AHCYL2: variants seen among roughly 807,000 people sequenced by gnomAD.
The protein encoded by AHCYL2 is adenosylhomocysteinase like 2.
A neutral mutation model predicts 81.4 loss-of-function variants in AHCYL2; 28 were observed. The observed-to-expected ratio is 0.34, with a 90% CI of 0.25 to 0.47. AHCYL2 has a LOEUF of 0.47. Ranked by LOEUF, AHCYL2 falls within the 20% of genes least tolerant of loss-of-function variation. The pLI, the probability that AHCYL2 is intolerant of heterozygous loss-of-function variation, is 1.00. For missense variants in AHCYL2, 551 were observed against 785.1 expected, an observed-to-expected ratio of 0.70 and a Z score of 3.56; for synonymous variants, 272 against 290.2, an observed-to-expected ratio of 0.94 and a Z score of 0.64.
chr7:129,375,245 A>T (rs1462195114), intron 1 of AHCYL2, among the ~76,000 whole-genome samples: 4 of 152,218 alleles, frequency 2.6e-5, no homozygotes, highest in Non-Finnish European at 5.9e-5. Context: ...TTCCTTGGTG[A>T]CAGAGCTGAA....
intron 1 of AHCYL2, among the ~76,000 whole-genome samples, chr7:129,329,162 G>A (rs1035479674): frequency 2.0e-5 from 3 of 152,240 alleles, no homozygotes; most frequent in Admixed American, 6.5e-5. Context: ...ATCTGGTCCT[G>A]GAACTGCTAT....
chr7:129,329,847 T>C (rs938364942), intron 1 of AHCYL2, among the ~76,000 whole-genome samples: 2 of 152,216 alleles, frequency 1.3e-5, no homozygotes, highest in Non-Finnish European at 2.9e-5. Flanking sequence ...TCTGTTATAA[T>C]GTTAATAAAT....
At chr7:129,314,612 CTT>C (rs1388860486) in intron 1 of AHCYL2, among the ~76,000 whole-genome samples, 1 of 152,164 alleles carries the variant, frequency 6.6e-6, no homozygotes, top group African/African-American at 2.4e-5. Context: ...TCTCAGCTCT[CTT>C]TTATAAGGGC....
At chr7:129,321,414 A>G (rs1798007661) in intron 1 of AHCYL2, among the ~76,000 whole-genome samples, 1 of 152,198 alleles carries the variant, frequency 6.6e-6, no homozygotes, top group African/African-American at 2.4e-5. Context: ...ACCTATTGAG[A>G]TGACTGTATG....
intron 1 of AHCYL2, among the ~76,000 whole-genome samples, chr7:129,363,601 C>T (rs1334677811): frequency 2.6e-5 from 4 of 152,144 alleles, no homozygotes; most frequent in South Asian, 2.1e-4. Context: ...CTGTGTTGCC[C>T]AGGCTGCTCA....
intron 1 of AHCYL2, among the ~76,000 whole-genome samples, chr7:129,267,714 A>C (rs1486992295): frequency 2.0e-5 from 3 of 152,198 alleles, no homozygotes; most frequent in Non-Finnish European, 4.4e-5. Flanking sequence ...TTATCTAAGT[A>C]AGAGAGGATA....
chr7:129,230,313 A>C (rs1584681599), intron 1 of AHCYL2, among the ~76,000 whole-genome samples: 2 of 151,036 alleles, frequency 1.3e-5, no homozygotes, highest in Admixed American at 6.6e-5. Context: ...CGATCTTCTG[A>C]CCTCGTGATC....
intron 1 of AHCYL2, among the ~76,000 whole-genome samples, chr7:129,248,060 T>G (rs1795121521): frequency 6.6e-6 from 1 of 152,228 alleles, no homozygotes; most frequent in African/African-American, 2.4e-5. Context: ...TCCCTTCATA[T>G]GGATATCCAC....
rs539188190 is a variant in AHCYL2, at chr7:129,406,187, C to T, written c.1207-191C>T. On this transcript the variant is annotated intron_variant, in intron 9 of 16. Transcript: ENST00000325006. The surrounding 1 kb of genome is among the most constrained non-coding windows in gnomAD (Gnocchi z 4.3). Reference sequence around the variant, plus strand: ...GTGGGTGTTCTTGTGCACATGAATGCGATAAGCAGGAGCCAGGGGTTTGTT... The same window carrying T: ...GTGGGTGTTCTTGTGCACATGAATGTGATAAGCAGGAGCCAGGGGTTTGTT... 2.0e-5 allele frequency among the ~76,000 whole-genome samples: 3 copies of T among 151,588 alleles called. No homozygotes were observed. The highest frequency in any genetic ancestry group is 4.4e-5 in the Non-Finnish European group (3 of 68,002).
intron 1 of AHCYL2, among the ~76,000 whole-genome samples, chr7:129,343,359 G>C (rs1030745778): frequency 1.3e-4 from 20 of 152,140 alleles, no homozygotes; most frequent in Middle Eastern, 3.4e-3. Flanking sequence ...TATTTGTCCT[G>C]CATTATAATA....
In AHCYL2 at chr7:129,379,757, C is replaced by A; in HGVS notation, c.475+8C>A. 2 of 1,610,490 alleles carry A rather than the reference C, an allele frequency of 1.2e-6. No individual in the cohort carries two copies. Among genetic ancestry groups the A allele is most frequent in the Non-Finnish European group, 1.7e-6 (2 of 1,177,532 alleles). ...CTGACAGCTACAGCTCAGGTGAGTACTGAACTGCTGTGGACCCAGCTGTTG... is the reference window on the plus strand; with the variant it reads ...CTGACAGCTACAGCTCAGGTGAGTAATGAACTGCTGTGGACCCAGCTGTTG... On this transcript the variant is annotated splice_region_variant and intron_variant, in intron 2 of 16. Coordinates refer to ENST00000325006, the MANE Select transcript of AHCYL2 (RefSeq NM_015328.4).
At chr7:129,344,071 C>T (rs566837303) in intron 1 of AHCYL2, among the ~76,000 whole-genome samples, 1 of 152,250 alleles carries the variant, frequency 6.6e-6, no homozygotes, top group South Asian at 2.1e-4. Flanking sequence ...ATTAAAACCA[C>T]AGTGAGATAC....
At chr7:129,342,457 G>A (rs1159640237) in intron 1 of AHCYL2, among the ~76,000 whole-genome samples, 1 of 152,156 alleles carries the variant, frequency 6.6e-6, no homozygotes, top group Non-Finnish European at 1.5e-5. Context: ...GAATAAAGAA[G>A]CAAAAGGTAG....
chr7:129,336,088 T>TG (rs1203068132), intron 1 of AHCYL2, among the ~76,000 whole-genome samples: 2 of 148,938 alleles, frequency 1.3e-5, no homozygotes, highest in Admixed American at 1.3e-4. Context: ...TTTTTTTTTT[T>TG]GACGGAGTCC....
chr7:129,275,123 C>T (rs954544542), intron 1 of AHCYL2, among the ~76,000 whole-genome samples: 2 of 152,172 alleles, frequency 1.3e-5, no homozygotes, highest in African/African-American at 4.8e-5. Context: ...TGGCTCACAC[C>T]TCTAATTCCA....
chr7:129,338,215 T>A (rs1793026322), intron 1 of AHCYL2, among the ~76,000 whole-genome samples: 2 of 151,954 alleles, frequency 1.3e-5, no homozygotes, highest in Non-Finnish European at 2.9e-5. Context: ...CAGGCTGGAG[T>A]TCAGCTTACT....
At chr7:129,369,543 T>A (rs1444876293) in intron 1 of AHCYL2, among the ~76,000 whole-genome samples, 1 of 151,434 alleles carries the variant, frequency 6.6e-6, no homozygotes, top group African/African-American at 2.4e-5. Flanking sequence ...CAGAACATTG[T>A]GTTCAGGTTT....
intron 1 of AHCYL2, among the ~76,000 whole-genome samples, chr7:129,353,148 G>T (rs756148740): frequency 6.6e-6 from 1 of 151,806 alleles, no homozygotes; most frequent in Non-Finnish European, 1.5e-5. Context: ...GGGTTTCACC[G>T]TGTTGGCCAG....
At chr7:129,308,378 T>C (rs1797519370) in intron 1 of AHCYL2, among the ~76,000 whole-genome samples, 1 of 152,194 alleles carries the variant, frequency 6.6e-6, no homozygotes, top group Non-Finnish European at 1.5e-5. Context: ...CAATGCAAAG[T>C]TGCACAATCA....
Sources: gnomAD v4.1 joint callset for allele counts (sites outside exome capture counted in the v4.1 genomes callset) on GRCh38, gnomAD v4.1.1 for gene constraint, Gnocchi (gnomAD v3.1) non-coding constraint, MANE v1.5 for transcripts, NCBI Gene and HGNC (gene_info 2026-07-23, HGNC 2026-07-21) for gene names.